The following XKR6 variants were observed in gnomAD, a reference collection of about 807,000 sequenced individuals.
XKR6 encodes XK-related protein 6.
XKR6 carries 22 observed loss-of-function variants against 56.7 expected under a neutral mutation model. That is an observed-to-expected ratio of 0.39 (90% CI 0.28 to 0.55). The LOEUF (loss-of-function observed/expected upper bound fraction) is 0.55, where lower values mean the gene tolerates loss of function less well. Among genes scored for constraint, XKR6 ranks in the 20% least tolerant of loss-of-function variants. The pLI is 0.66. For missense variants in XKR6, 852 were observed against 889.0 expected (o/e 0.96, Z 0.53); for synonymous variants, 524 against 387.8 (o/e 1.35, Z -4.13).
intron 1 of XKR6, among the ~76,000 whole-genome samples, chr8:10,935,998 G>A (rs1462740828): frequency 5.3e-5 from 8 of 150,426 alleles, no homozygotes; most frequent in Non-Finnish European, 1.2e-4. Context: ...TTGACAGTGG[G>A]GTGTTAAACT....
chr8:11,131,433 T>C (rs1800098986), intron 1 of XKR6, among the ~76,000 whole-genome samples: 1 of 152,196 alleles, frequency 6.6e-6, no homozygotes, highest in Non-Finnish European at 1.5e-5. Context: ...TTTCTTTATT[T>C]ATGATGTTAA....
chr8:11,145,883 A>T (rs1216042744), intron 1 of XKR6, among the ~76,000 whole-genome samples: 24 of 152,228 alleles, frequency 1.6e-4, no homozygotes, highest in Admixed American at 1.6e-3. Flanking sequence ...GACCCACAAT[A>T]GTCAAAATGA....
chr8:11,136,164 C>T (rs1000105589), intron 1 of XKR6, among the ~76,000 whole-genome samples: 4 of 152,192 alleles, frequency 2.6e-5, no homozygotes, highest in African/African-American at 4.8e-5. Flanking sequence ...TGGGACTTTA[C>T]GTATAGGACT....
At chr8:11,067,932 C>T (rs536018204) in intron 1 of XKR6, among the ~76,000 whole-genome samples, 6 of 152,362 alleles carry the variant, frequency 3.9e-5, no homozygotes, top group African/African-American at 1.4e-4. Context: ...AATGCTGTGA[C>T]AGGATGCCCT....
intron 1 of XKR6, chr8:11,124,337 A>G (rs1303827409): frequency 6.6e-6 from 2 of 301,242 alleles, no homozygotes; most frequent in Non-Finnish European, 1.3e-5. Flanking sequence ...ATCATCAATA[A>G]CCCACTCAGC....
chr8:11,075,977 A>G (rs1266631728), intron 1 of XKR6, among the ~76,000 whole-genome samples: 2 of 152,248 alleles, frequency 1.3e-5, no homozygotes, highest in East Asian at 3.8e-4. Flanking sequence ...CCCCAGCGTC[A>G]CTTGACACAT....
At chr8:11,083,229 C>T (rs908486965) in intron 1 of XKR6, among the ~76,000 whole-genome samples, 1 of 152,186 alleles carries the variant, frequency 6.6e-6, no homozygotes, top group Non-Finnish European at 1.5e-5. Flanking sequence ...AGCACATTCA[C>T]CTAGTCGCAC....
Position 11,200,725 on chromosome 8 carries a change from G to A in XKR6, c.615C>T (p.Pro205=), listed in dbSNP as rs1804169123. The A allele has an allele frequency of 1.3e-6, 2 of 1,587,886 alleles. No individual in the cohort carries two copies. Among genetic ancestry groups the A allele is most frequent in the Non-Finnish European group, 1.7e-6 (2 of 1,171,138 alleles). Residue 205 remains proline (P), a synonymous_variant, in exon 1 of 3, where the codon CCC becomes CCT. Transcript: ENST00000416569. The surrounding 1 kb of genome is among the most constrained non-coding windows in gnomAD (Gnocchi z 6.4). The part of the protein sequence containing the change: ...AVEGLTSRGP[P]MMGAGYVHGA... ...CGTGGACGTAGCCGGCCCCCATCATGGGGGGGCCCCGGCTGGTGAGCCCCT... is the reference window on the plus strand; with the variant it reads ...CGTGGACGTAGCCGGCCCCCATCATAGGGGGGCCCCGGCTGGTGAGCCCCT...
At chr8:11,186,668 C>A (rs1037696946) in intron 1 of XKR6, among the ~76,000 whole-genome samples, 1 of 152,188 alleles carries the variant, frequency 6.6e-6, no homozygotes, top group Non-Finnish European at 1.5e-5. Flanking sequence ...GCATGAGACA[C>A]CACGCCTGGC....
intron 1 of XKR6, among the ~76,000 whole-genome samples, chr8:11,170,400 T>C (rs1362816899): frequency 6.6e-6 from 1 of 152,228 alleles, no homozygotes; most frequent in Non-Finnish European, 1.5e-5. Context: ...ATTCAGGCTA[T>C]ACCATGGATG....
At chr8:11,102,970 C>A (rs1446140329) in intron 1 of XKR6, among the ~76,000 whole-genome samples, 1 of 152,170 alleles carries the variant, frequency 6.6e-6, no homozygotes. Flanking sequence ...ACCAGGCACA[C>A]AAAGATTAGA....
At chr8:10,938,472 T>C (rs1032413154) in intron 1 of XKR6, among the ~76,000 whole-genome samples, 2 of 152,202 alleles carry the variant, frequency 1.3e-5, no homozygotes, top group African/African-American at 2.4e-5. Context: ...CGCAGGTGAA[T>C]ATATAAACAA....
At chr8:10,904,495 C>G (rs768038809) in intron 2 of XKR6, among the ~76,000 whole-genome samples, 1 of 152,158 alleles carries the variant, frequency 6.6e-6, no homozygotes, top group African/African-American at 2.4e-5. Context: ...CAAAGCAACA[C>G]GTGTGGATAT....
chr8:11,012,089 C>T (rs1054647605), intron 1 of XKR6, among the ~76,000 whole-genome samples: 1 of 152,336 alleles, frequency 6.6e-6, no homozygotes, highest in South Asian at 2.1e-4. Context: ...GGCAGGGCCT[C>T]GCAGTCCCCA....
At chr8:11,136,943 C>G (rs1800431544) in intron 1 of XKR6, 1 of 152,004 alleles carries the variant, frequency 6.6e-6, no homozygotes, top group Non-Finnish European at 1.5e-5. Flanking sequence ...CTACAATGAC[C>G]CACCACATGA....
intron 1 of XKR6, among the ~76,000 whole-genome samples, chr8:10,946,759 A>C (rs1801559716): frequency 6.6e-6 from 1 of 152,264 alleles, no homozygotes; most frequent in South Asian, 2.1e-4. Context: ...TGCTGTTCAC[A>C]GACCAGTGGA....
intron 1 of XKR6, among the ~76,000 whole-genome samples, chr8:10,927,766 G>C (rs1800936953): frequency 6.6e-6 from 1 of 152,170 alleles, no homozygotes; most frequent in East Asian, 1.9e-4. Context: ...CTGGGTGTGA[G>C]CACCCCAGGG....
chr8:11,119,621 T>C (rs562646644), intron 1 of XKR6, among the ~76,000 whole-genome samples: 154 of 152,350 alleles, frequency 1.0e-3, no homozygotes, highest in African/African-American at 3.6e-3. Context: ...GAGACTAGGA[T>C]TGCAAACCCT....
intron 1 of XKR6, among the ~76,000 whole-genome samples, chr8:11,140,353 A>G (rs1030026280): frequency 5.3e-5 from 8 of 152,232 alleles, no homozygotes; most frequent in African/African-American, 1.9e-4. Flanking sequence ...AAGCCTATCA[A>G]CCACAAATGG....
Sources: allele counts gnomAD v4.1 joint callset (sites outside exome capture counted in the v4.1 genomes callset), GRCh38; gene constraint gnomAD v4.1.1; non-coding constraint Gnocchi (gnomAD v3.1); transcripts MANE v1.5; gene names NCBI Gene and HGNC (gene_info 2026-07-23, HGNC 2026-07-21).